The following DLEC1 variants were observed in gnomAD, a reference collection of about 807,000 sequenced individuals.
DLEC1 encodes the protein deleted in lung and esophageal cancer protein 1.
Under a neutral mutation model 198.1 loss-of-function variants are expected in DLEC1, and 146 were observed. The ratio of observed to expected loss-of-function variants is 0.74; its 90% CI spans 0.64 to 0.85. The LOEUF is 0.85. DLEC1 is among the 40% of genes least tolerant of loss of function. The probability of loss-of-function intolerance (pLI) is 0.00; values close to 1 mark genes in which losing one functional copy is unlikely to be tolerated. For missense variants in DLEC1, 2,233 were observed against 2,220.0 expected, an observed-to-expected ratio of 1.01 and a Z score of -0.12; for synonymous variants, 897 against 866.8, an observed-to-expected ratio of 1.03 and a Z score of -0.61.
intron 18 of DLEC1, among the ~76,000 whole-genome samples, chr3:38,099,771 G>A (rs1380617130): frequency 6.6e-6 from 1 of 151,758 alleles, no homozygotes; most frequent in Non-Finnish European, 1.5e-5. Context: ...GAGCAGACCG[G>A]GGGCGGGGTG....
intron 27 of DLEC1, 107 bp from the exon 28 acceptor site, chr3:38,116,346 G>A: frequency 1.9e-6 from 2 of 1,072,604 alleles, no homozygotes; most frequent in South Asian, 1.4e-5. Flanking sequence ...CTCCACCTGG[G>A]TATGGGAGAA....
intron 9 of DLEC1, 116 bp downstream of exon 9, chr3:38,086,493 G>C: frequency 7.3e-7 from 1 of 1,365,396 alleles, no homozygotes; most frequent in Non-Finnish European, 9.9e-7. Flanking sequence ...GCAGAGTGTT[G>C]TAAACTCTCT....
At chr3:38,051,205 A>C (rs6599145) in intron 2 of DLEC1, among the ~76,000 whole-genome samples, 48,548 of 152,146 alleles carry the variant, frequency 0.32, 8,069 homozygotes, top group East Asian at 0.56. Context: ...CTGGCTGGCA[A>C]CATGTCTTAA....
chr3:38,121,763 T>TACTGGACTATGCTGATGGG lies in DLEC1; in HGVS notation c.5003_5020+1dup. The TACTGGACTATGCTGATGGG allele has an allele frequency of 6.2e-7, 1 of 1,614,020 alleles. No homozygotes were observed. The highest frequency in any genetic ancestry group is 8.5e-7 in the Non-Finnish European group (1 of 1,179,920). On this transcript the variant is annotated frameshift_variant, in exon 35 of 37. Transcript: ENST00000308059. LOFTEE classifies it high-confidence loss of function. ...GATGAACCTGAGCGGGTGCCGAAGC[T>TACTGGACTATGCTGATGGG]ACTGGACTATGCTGATGGGTATGTC...
chr3:38,066,764 T>C (rs1191363951), intron 6 of DLEC1, among the ~76,000 whole-genome samples: 5 of 152,264 alleles, frequency 3.3e-5, no homozygotes, highest in Admixed American at 6.5e-5. Context: ...TCTTGAGGAA[T>C]GTCTCAACCA....
chr3:38,096,358 C>T (rs867945595), intron 14 of DLEC1, among the ~76,000 whole-genome samples: 38 of 152,350 alleles, frequency 2.5e-4, no homozygotes, highest in African/African-American at 7.5e-4. Context: ...GGCAATGCCC[C>T]GTCCCAGTCC....
At chr3:38,108,341 T>C (rs1699676841) in intron 20 of DLEC1, 64 bp from the exon 21 acceptor site, 1 of 1,378,396 alleles carries the variant, frequency 7.3e-7, no homozygotes, top group Non-Finnish European at 1.0e-6. Flanking sequence ...CTGAGCACTC[T>C]CTGGATACTG....
intron 34 of DLEC1, among the ~76,000 whole-genome samples, chr3:38,120,951 G>C (rs1362833541): frequency 1.3e-5 from 2 of 152,214 alleles, no homozygotes; most frequent in Admixed American, 6.5e-5. Context: ...GGGTGGGACA[G>C]AGCACCTGAA....
At chr3:38,113,359 T>C (rs909314949) in intron 25 of DLEC1, among the ~76,000 whole-genome samples, 2 of 152,204 alleles carry the variant, frequency 1.3e-5, no homozygotes, top group Non-Finnish European at 2.9e-5. Context: ...GCACAGCCTG[T>C]TATATGATGC....
chr3:38,117,504 C>A, intron 31 of DLEC1, 23 bp from the exon 32 acceptor site: 3 of 1,614,128 alleles, frequency 1.9e-6, no homozygotes, highest in Non-Finnish European at 2.5e-6. Context: ...CGGCTTGCCC[C>A]AACAATGCCT....
rs1018904135 is a variant in DLEC1, at chr3:38,086,437, C to T, written c.1572+60C>T. 8.3e-6 allele frequency: 13 copies of T among 1,557,018 alleles called. No homozygotes were observed. The African/African-American group carries it at 1.5e-4, about 18-fold the overall frequency. On this transcript the variant is annotated intron_variant, in intron 9 of 36. Transcript: ENST00000308059. ...CAAGTCCATCAAAGGAAATAACCCC[C>T]AGAGGAACTTACTAGAGTATACCTA...
intron 1 of DLEC1, among the ~76,000 whole-genome samples, chr3:38,043,955 TG>T (rs200700155): frequency 0.16 from 24,103 of 150,550 alleles, 2,467 homozygotes; most frequent in East Asian, 0.35. Context: ...CTACATAAAC[TG>T]TTTTTTTTTT....
At chr3:38,053,322 C>T (rs1316699970) in intron 2 of DLEC1, among the ~76,000 whole-genome samples, 18 of 148,856 alleles carry the variant, frequency 1.2e-4, no homozygotes, top group African/African-American at 2.5e-4. Context: ...TCTTCCCGGC[C>T]GCCATCCCAT....
chr3:38,059,217 C>G (rs1390947029), intron 2 of DLEC1, among the ~76,000 whole-genome samples: 1 of 152,186 alleles, frequency 6.6e-6, no homozygotes, highest in Non-Finnish European at 1.5e-5. Context: ...CAGGTCTGCT[C>G]TGGATTCCCC....
intron 26 of DLEC1, among the ~76,000 whole-genome samples, 167 bp downstream of exon 26, chr3:38,114,627 CAG>C (rs1700055238): frequency 6.6e-6 from 1 of 152,142 alleles, no homozygotes; most frequent in African/African-American, 2.4e-5. Context: ...AAGGTGGCCT[CAG>C]GGGACGTGGC....
chr3:38,045,565 G>T lies in DLEC1; in HGVS notation c.434G>T (p.Arg145Leu). The change falls in exon 2 of 37, where the codon CGG becomes CTG. Residue 145 changes from arginine (R) to leucine (L), a missense_variant. Coordinates refer to ENST00000308059, the MANE Select transcript of DLEC1 (RefSeq NM_007335.4). ...LQQIRELYKQRLDEFEMLERH... is the reference protein window; with the variant it reads ...LQQIRELYKQLLDEFEMLERH... ...CAGATTCGGGAGCTCTATAAGCAGC[G>T]GCTGGATGAGTTTGAAATGTTGGAG... The T allele has an allele frequency of 6.2e-7, 1 of 1,613,666 alleles. No homozygotes were observed. Among genetic ancestry groups the T allele is most frequent in the Non-Finnish European group, 8.5e-7 (1 of 1,179,880 alleles).
At chr3:38,046,182 A>G (rs1308201161) in intron 2 of DLEC1, among the ~76,000 whole-genome samples, 2 of 152,200 alleles carry the variant, frequency 1.3e-5, no homozygotes, top group African/African-American at 2.4e-5. Context: ...CCAGTCTGAG[A>G]TTAAACAGGC....
intron 19 of DLEC1, among the ~76,000 whole-genome samples, chr3:38,107,164 C>T (rs1699608068): frequency 1.3e-5 from 2 of 151,560 alleles, no homozygotes; most frequent in South Asian, 4.2e-4. Flanking sequence ...AGTAGGTTCT[C>T]ATGGTGAAAA....
chr3:38,062,560 A>G (rs1224759228), intron 4 of DLEC1, 21 bp from the exon 5 acceptor site: 6 of 1,613,376 alleles, frequency 3.7e-6, no homozygotes, highest in Admixed American at 1.7e-5. Flanking sequence ...CATTGACTCT[A>G]TGCTTTTGTA....
Sources: gnomAD v4.1 joint callset for allele counts (sites outside exome capture counted in the v4.1 genomes callset) on GRCh38, gnomAD v4.1.1 for gene constraint, MANE v1.5 for transcripts, NCBI Gene and HGNC (gene_info 2026-07-23, HGNC 2026-07-21) for gene names.